Variants in DNAH6 observed in about 807,000 individuals in gnomAD.
DNAH6 encodes dynein axonemal heavy chain 6.
A neutral mutation model predicts 491.4 loss-of-function variants in DNAH6; 340 were observed. That is an observed-to-expected ratio of 0.69 (90% CI 0.63 to 0.76). The LOEUF is 0.76. Ranked by LOEUF, DNAH6 falls within the 30% of genes least tolerant of loss-of-function variation. The pLI, the probability that DNAH6 is intolerant of heterozygous loss-of-function variation, is 0.00. For missense variants in DNAH6, 4,443 were observed against 4,972.2 expected (o/e 0.89, Z 3.20); for synonymous variants, 1,603 against 1,686.1 (o/e 0.95, Z 1.21).
intron 12 of DNAH6, 122 bp downstream of exon 12, chr2:84,573,709 A>G: frequency 1.3e-6 from 1 of 745,958 alleles, no homozygotes; most frequent in South Asian, 2.9e-5. Context: ...TTGGCCTGAC[A>G]TAAGGCAAGA....
chr2:84,646,705 A>G (rs766918980), intron 33 of DNAH6, among the ~76,000 whole-genome samples: 8 of 152,198 alleles, frequency 5.3e-5, no homozygotes, highest in Middle Eastern at 3.2e-3. Flanking sequence ...GACTCTCTTC[A>G]ATTCTATAAA....
chr2:84,777,934 G>T, intron 64 of DNAH6: 7 of 1,050,656 alleles, frequency 6.7e-6, no homozygotes, highest in Non-Finnish European at 1.1e-5. Flanking sequence ...AATTAAGACG[G>T]CTTTCTCCCT....
At chr2:84,462,100 C>A in the DNAH6 span, among the ~76,000 whole-genome samples, 1 of 152,224 alleles carries the variant, frequency 6.6e-6, no homozygotes. Context: ...TAATAAGCTA[C>A]ATACCTCCCT....
intron 2 of DNAH6, among the ~76,000 whole-genome samples, chr2:84,521,098 G>GTATCTGA (rs1179324112): frequency 6.6e-6 from 1 of 151,600 alleles, no homozygotes; most frequent in African/African-American, 2.4e-5. Flanking sequence ...TGGTGGCATA[G>GTATCTGA]TATCTGATTG....
chr2:84,554,283 C>T (rs1679807322), intron 10 of DNAH6, among the ~76,000 whole-genome samples: 1 of 152,190 alleles, frequency 6.6e-6, no homozygotes, highest in African/African-American at 2.4e-5. Context: ...CCTACCTTTG[C>T]TGCATCACGT....
intron 18 of DNAH6, among the ~76,000 whole-genome samples, chr2:84,603,779 TGTTA>T (rs1174387656): frequency 6.6e-6 from 1 of 152,160 alleles, no homozygotes; most frequent in African/African-American, 2.4e-5. Context: ...TGGCACAGTT[TGTTA>T]CTCTTTTCCC....
chr2:84,503,566 G>A, the DNAH6 span, among the ~76,000 whole-genome samples: 1 of 151,986 alleles, frequency 6.6e-6, no homozygotes, highest in Non-Finnish European at 1.5e-5. Context: ...AGCATTTCTT[G>A]TAGGACAGGT....
chr2:84,621,637 T>C (rs1687405794), intron 26 of DNAH6, 86 bp downstream of exon 26: 1 of 694,578 alleles, frequency 1.4e-6, no homozygotes, highest in South Asian at 2.3e-5. Context: ...GCAAATTCAC[T>C]TTATTTCAGA....
At chr2:84,664,037 C>T (rs1344739104) in intron 37 of DNAH6, among the ~76,000 whole-genome samples, 1 of 152,150 alleles carries the variant, frequency 6.6e-6, no homozygotes, top group Non-Finnish European at 1.5e-5. Flanking sequence ...CCTTTACAGA[C>T]AAGCAAATAC....
intron 70 of DNAH6, among the ~76,000 whole-genome samples, chr2:84,800,741 C>T (rs1044023800): frequency 6.6e-6 from 1 of 152,070 alleles, no homozygotes; most frequent in Non-Finnish European, 1.5e-5. Flanking sequence ...AGCAAAGGCT[C>T]TGAGAAATAT....
intron 11 of DNAH6, among the ~76,000 whole-genome samples, chr2:84,561,313 G>T (rs1680645610): frequency 6.6e-6 from 1 of 152,152 alleles, no homozygotes; most frequent in East Asian, 1.9e-4. Context: ...AATAAATGGT[G>T]CTGGGAAAAC....
chr2:84,588,167 C>A (rs1683750658), intron 15 of DNAH6, among the ~76,000 whole-genome samples: 1 of 152,188 alleles, frequency 6.6e-6, no homozygotes, highest in African/African-American at 2.4e-5. Context: ...TGGACACATC[C>A]CTTGGCTTTT....
chr2:84,463,839 C>T, the DNAH6 span, among the ~76,000 whole-genome samples: 3 of 152,076 alleles, frequency 2.0e-5, no homozygotes, highest in Admixed American at 2.0e-4. Context: ...GAAATAAATT[C>T]ATTATAGTCC....
the DNAH6 span, among the ~76,000 whole-genome samples, chr2:84,480,792 G>A: frequency 2.6e-5 from 4 of 152,116 alleles, no homozygotes; most frequent in Admixed American, 6.5e-5. Context: ...GAGAAACCCC[G>A]TCTCTACTGA....
intron 64 of DNAH6, chr2:84,778,155 ATCTTATCCTGGGGAGGTCTCT>A (rs1034369352): frequency 1.3e-6 from 1 of 752,404 alleles, no homozygotes; most frequent in African/African-American, 1.7e-5. Flanking sequence ...AACAACTATA[ATCTTATCCTGGGGAGGTCTCT>A]TCTTCCTGTA....
the DNAH6 span, among the ~76,000 whole-genome samples, chr2:84,472,307 G>A: frequency 6.9e-3 from 1,040 of 151,722 alleles, 8 homozygotes; most frequent in African/African-American, 0.023. Context: ...GCAATATTCC[G>A]TTGTTGAAAG....
At chr2:84,690,396 C>T (rs1158859471) in intron 45 of DNAH6, among the ~76,000 whole-genome samples, 1 of 152,194 alleles carries the variant, frequency 6.6e-6, no homozygotes, top group African/African-American at 2.4e-5. Flanking sequence ...CTCTGTCCCC[C>T]TGGCAGCATA....
Position 84,761,361 on chromosome 2 carries a change from T to C in DNAH6, c.10513-1394T>C, listed in dbSNP as rs562525829. Among the ~76,000 whole-genome samples, 14 of 152,046 alleles carry C rather than the reference T, an allele frequency of 9.2e-5. No homozygotes were observed. The South Asian group carries it at 1.0e-3, about 11-fold the overall frequency. ...AGGGGATGGAGGATAAAAAAAAAAT[T>C]ACTTAATGAGCACAGTGTACATTAT... On this transcript the variant is annotated intron_variant, in intron 63 of 76. Coordinates refer to ENST00000389394, the MANE Select transcript of DNAH6 (RefSeq NM_001370.2).
At chr2:84,642,525 A>T (rs1689512413) in intron 33 of DNAH6, among the ~76,000 whole-genome samples, 1 of 152,178 alleles carries the variant, frequency 6.6e-6, no homozygotes, top group Non-Finnish European at 1.5e-5. Flanking sequence ...CCCAAAGACA[A>T]TCATTTTCTA....
Sources: allele counts gnomAD v4.1 joint callset (sites outside exome capture counted in the v4.1 genomes callset), GRCh38; gene constraint gnomAD v4.1.1; transcripts MANE v1.5; gene names NCBI Gene and HGNC (gene_info 2026-07-23, HGNC 2026-07-21).